The following KDM4B variants were observed in gnomAD, a reference collection of about 807,000 sequenced individuals.
The protein encoded by KDM4B is lysine demethylase 4B, also known as lysine-specific demethylase 4B.
KDM4B carries 32 observed loss-of-function variants against 125.2 expected under a neutral mutation model. That is an observed-to-expected ratio of 0.26 (90% confidence interval 0.19 to 0.34). The LOEUF is 0.34. KDM4B is among the 10% of genes least tolerant of loss of function. The pLI, the probability that KDM4B is intolerant of heterozygous loss-of-function variation, is 1.00. For synonymous variants in KDM4B, 721 were observed against 677.9 expected (o/e 1.06, Z -0.99); for missense variants, 1,190 against 1,577.7 (o/e 0.75, Z 4.16).
In KDM4B at chr19:5,006,935, G is replaced by A. The variant is rs565750537; in HGVS notation, c.-108-9322G>A. Among the ~76,000 whole-genome samples the A allele has an allele frequency of 5.3e-5, 8 of 152,252 alleles. No individual in the cohort carries two copies. In the East Asian group the frequency reaches 5.8e-4, roughly 11 times the overall value. On this transcript the variant is annotated intron_variant, in intron 1 of 22. Coordinates refer to ENST00000159111, the MANE Select transcript of KDM4B (RefSeq NM_015015.3). ...TGGGGCTGCTGGGAAGTGACTCAAC[G>A]AGGAGCACCAGCAAGGGGACACCAG...
chr19:5,121,471 C>T (rs568687024), intron 11 of KDM4B, among the ~76,000 whole-genome samples: 7 of 152,306 alleles, frequency 4.6e-5, no homozygotes, highest in South Asian at 2.1e-4. Context: ...AGGCAGCCGC[C>T]TGGTGACTCG....
At chr19:5,042,332 T>A (rs1290682511) in intron 5 of KDM4B, among the ~76,000 whole-genome samples, 1 of 151,972 alleles carries the variant, frequency 6.6e-6, no homozygotes, top group African/African-American at 2.4e-5. Flanking sequence ...AAAACCTGTC[T>A]CTACTAAAAA....
intron 1 of KDM4B, among the ~76,000 whole-genome samples, chr19:4,973,990 C>T (rs893967472): frequency 1.3e-5 from 2 of 151,770 alleles, no homozygotes; most frequent in Admixed American, 6.6e-5. Flanking sequence ...ATTAACTGGG[C>T]GTGGCGGTGC....
At position 5,081,372 on chromosome 19, in the gene KDM4B, G is replaced by A. The variant is rs1330310098; in HGVS notation, c.781-995G>A. Among the ~76,000 whole-genome samples the A allele has an allele frequency of 2.0e-5, 3 of 152,166 alleles. No individual in the cohort carries two copies. The highest frequency in any genetic ancestry group is 1.3e-4 in the Admixed American group (2 of 15,276). ...TATCAACGGGCTTAGCAGTGAGCAG[G>A]GAGTGGGGGTCAGTGTGGCCATCTC... On this transcript the variant is annotated intron_variant, in intron 8 of 22. Transcript: ENST00000159111. The surrounding 1 kb of genome is among the most constrained non-coding windows in gnomAD (Gnocchi z 4.2).
In KDM4B at chr19:5,033,046, G is replaced by A; in HGVS notation, c.141+15G>A. 2 of 1,611,684 alleles carry A rather than the reference G, an allele frequency of 1.2e-6. No homozygotes were observed. Among genetic ancestry groups the A allele is most frequent in the Admixed American group, 3.3e-5 (2 of 59,908 alleles). ...GCCTGGCCAAGGTGGGTGACATCCT[G>A]GCCCCAGCGCGGCCCTCCATCAGCC... On this transcript the variant is annotated intron_variant, in intron 3 of 22. Coordinates refer to ENST00000159111, the MANE Select transcript of KDM4B (RefSeq NM_015015.3).
intron 9 of KDM4B, among the ~76,000 whole-genome samples, chr19:5,090,426 C>CTCTCTCTCCCCCA (rs1480940287): frequency 1.2e-5 from 1 of 80,626 alleles, no homozygotes; most frequent in African/African-American, 5.0e-5. Context: ...CCCCCTCTGT[C>CTCTCTCTCCCCCA]TCTCTCTCCC....
intron 9 of KDM4B, among the ~76,000 whole-genome samples, chr19:5,090,124 G>A (rs1238700410): frequency 1.3e-5 from 2 of 152,178 alleles, no homozygotes; most frequent in African/African-American, 4.8e-5. Flanking sequence ...GGAAGGTCCT[G>A]GAAGCCCAGC....
intron 7 of KDM4B, chr19:5,076,936 CGGA>C (rs1016037186): frequency 1.4e-4 from 25 of 178,624 alleles, no homozygotes; most frequent in Admixed American, 6.7e-4. Context: ...CTGGGGAGGT[CGGA>C]GGAGAAGTCT....
At chr19:5,133,770 TG>T in intron 13 of KDM4B, 112 bp from the exon 14 acceptor site, 2 of 1,089,348 alleles carry the variant, frequency 1.8e-6, no homozygotes, top group Non-Finnish European at 2.7e-6. Context: ...AGGGACCCTG[TG>T]GGCAGCCAGG....
chr19:5,017,338 TATAA>T (rs2145525707), intron 2 of KDM4B, among the ~76,000 whole-genome samples: 1 of 152,350 alleles, frequency 6.6e-6, no homozygotes, highest in South Asian at 2.1e-4. Context: ...CCCCTGTTTT[TATAA>T]ATAAAGTTTT....
At chr19:5,099,365 A>G (rs540722297) in intron 9 of KDM4B, among the ~76,000 whole-genome samples, 54 of 152,250 alleles carry the variant, frequency 3.5e-4, no homozygotes, top group African/African-American at 1.3e-3. Context: ...TCACCCCCAG[A>G]CCCAGGGCTT....
chr19:5,028,177 A>G (rs1019052189), intron 2 of KDM4B, among the ~76,000 whole-genome samples: 2 of 152,026 alleles, frequency 1.3e-5, no homozygotes, highest in South Asian at 2.1e-4. Context: ...GGGTCTCCCT[A>G]CGTTGCCTAG....
chr19:5,040,055 G>A, intron 4 of KDM4B, 44 bp downstream of exon 4: 2 of 1,563,342 alleles, frequency 1.3e-6, no homozygotes, highest in East Asian at 2.3e-5. Context: ...GCCCCCGGGG[G>A]CACACCTGCT....
chr19:4,972,567 G>A (rs2034297868), intron 1 of KDM4B, among the ~76,000 whole-genome samples: 1 of 152,138 alleles, frequency 6.6e-6, no homozygotes, highest in Admixed American at 6.5e-5. Flanking sequence ...CCACCCACCA[G>A]ATGCTAGTAG....
rs572971529 is a variant in KDM4B at position 5,013,126 on chromosome 19, C to T, written c.-108-3131C>T. 2.0e-5 allele frequency among the ~76,000 whole-genome samples: 3 copies of T among 152,304 alleles called. No individual in the cohort carries two copies. In the East Asian group the frequency reaches 5.8e-4, roughly 29 times the overall value. Reference sequence around the variant, plus strand: ...CCCCAGAGAGGGAGGGCAGAAGGACCCGTGGTCTTGGTAGCACCGGGCTGA... The same window carrying T: ...CCCCAGAGAGGGAGGGCAGAAGGACTCGTGGTCTTGGTAGCACCGGGCTGA... On this transcript the variant is annotated intron_variant, in intron 1 of 22. Coordinates refer to ENST00000159111, the MANE Select transcript of KDM4B (RefSeq NM_015015.3).
At chr19:5,030,850 C>T (rs559090094) in intron 2 of KDM4B, among the ~76,000 whole-genome samples, 42 of 152,340 alleles carry the variant, frequency 2.8e-4, no homozygotes, top group African/African-American at 8.4e-4. Context: ...TGGCCACCAC[C>T]GCATCTGGGC....
At chr19:5,150,279 A>G in intron 21 of KDM4B, 79 bp from the exon 22 acceptor site, 1 of 1,249,676 alleles carries the variant, frequency 8.0e-7, no homozygotes, top group Non-Finnish European at 1.1e-6. Context: ...CTGGCCTCCC[A>G]GCTCTTGAGG....
At chr19:5,051,136 C>T (rs1204327814) in intron 6 of KDM4B, among the ~76,000 whole-genome samples, 1 of 152,176 alleles carries the variant, frequency 6.6e-6, no homozygotes, top group East Asian at 1.9e-4. Context: ...CATCACATGC[C>T]ACATGCCCCT....
intron 9 of KDM4B, among the ~76,000 whole-genome samples, chr19:5,105,014 C>G (rs2039008145): frequency 6.6e-6 from 1 of 152,216 alleles, no homozygotes; most frequent in Admixed American, 6.5e-5. Context: ...AGTCGCACCC[C>G]CTGGGCTCCG....
Sources: gnomAD v4.1 joint callset for allele counts (sites outside exome capture counted in the v4.1 genomes callset) on GRCh38, gnomAD v4.1.1 for gene constraint, Gnocchi (gnomAD v3.1) non-coding constraint, MANE v1.5 for transcripts, NCBI Gene and HGNC (gene_info 2026-07-23, HGNC 2026-07-21) for gene names.